KIFC3: variants seen among roughly 807,000 people sequenced by gnomAD.
The protein encoded by KIFC3 is kinesin-like protein KIFC3.
A neutral mutation model predicts 101.8 loss-of-function variants in KIFC3; 60 were observed. The observed-to-expected ratio is 0.59, with a 90% CI of 0.48 to 0.73. KIFC3 has a LOEUF of 0.73. Ranked by LOEUF, KIFC3 falls within the 30% of genes least tolerant of loss-of-function variation. KIFC3 has a pLI of 0.00. For missense variants in KIFC3, 966 were observed against 1,137.1 expected (o/e 0.85, Z 2.16); for synonymous variants, 476 against 482.7 (o/e 0.99, Z 0.18).
rs1274918897 is a variant in KIFC3 at position 57,772,298 on chromosome 16, C to G, written c.316-10G>C. 13 of 1,613,286 alleles carry G rather than the reference C, an allele frequency of 8.1e-6. No individual in the cohort carries two copies. The Middle Eastern group carries it at 1.3e-3, about 163-fold the overall frequency. On this transcript the variant is annotated splice_polypyrimidine_tract_variant and intron_variant, in intron 3 of 19. Transcript: ENST00000445690. ...CCTTCAGGTGTTCTACCTGTGGGCA[C>G]AGAGTCAGGAGCAAGGTGAGCCTCA...
At chr16:57,760,584 A>T in intron 16 of KIFC3, 142 bp downstream of exon 16, 1 of 1,060,108 alleles carries the variant, frequency 9.4e-7, no homozygotes, top group Non-Finnish European at 1.4e-6. Flanking sequence ...GGTGGAGAGG[A>T]GGGACTGGGA....
At chr16:57,793,003 T>C (rs992742063) in intron 3 of KIFC3, among the ~76,000 whole-genome samples, 7 of 151,220 alleles carry the variant, frequency 4.6e-5, no homozygotes, top group African/African-American at 1.7e-4. Flanking sequence ...CATATAAATA[T>C]GCACTGGGAA....
At chr16:57,832,254 C>T (rs955337677) in intron 1 of KIFC3, among the ~76,000 whole-genome samples, 25 of 148,844 alleles carry the variant, frequency 1.7e-4, no homozygotes, top group South Asian at 2.2e-4. Context: ...CTCCTGAACT[C>T]AGGTGATCCT....
intron 3 of KIFC3, chr16:57,775,682 G>A: frequency 2.0e-6 from 2 of 985,526 alleles, no homozygotes; most frequent in Non-Finnish European, 2.4e-6. Flanking sequence ...AACAGGGGAG[G>A]GTCCCGAGTG....
rs1238116970 is a variant in KIFC3, at chr16:57,790,054, TTTTCTTTCTTTC to T, written c.315+4933_315+4944del. On this transcript the variant is annotated intron_variant, in intron 3 of 19. Transcript: ENST00000445690. ...GCCTGGCCATTTTTTTTTGCTTTCT[TTTTCTTTCTTTC>T]TTTCTTTCTTTCTTTTTTTTTTTTT... is the stretch of plus-strand genomic sequence containing the variant. 8.8e-4 allele frequency among the ~76,000 whole-genome samples: 105 copies of T among 119,066 alleles called. 1 individual carries two copies. Among genetic ancestry groups the T allele is most frequent in the African/African-American group, 3.0e-3 (102 of 33,680 alleles). The allele number at this position is 119,066 out of a possible 152,430, so 78.1% of individuals were successfully genotyped here.
chr16:57,802,873 C>A, upstream of KIFC3: 1 of 1,211,698 alleles, frequency 8.3e-7, no homozygotes. The surrounding 1 kb of genome is among the most constrained non-coding windows in gnomAD (Gnocchi z 5.0). Flanking sequence ...AAAACTTCCA[C>A]GCGAGTACTC....
chr16:57,778,099 G>C (rs2052330224), intron 3 of KIFC3, among the ~76,000 whole-genome samples: 1 of 152,058 alleles, frequency 6.6e-6, no homozygotes. Context: ...GGCAACATAG[G>C]GAAACCCTGT....
chr16:57,771,735 G>C, intron 4 of KIFC3, 49 bp from the exon 5 acceptor site: 1 of 1,576,000 alleles, frequency 6.3e-7, no homozygotes, highest in Non-Finnish European at 8.6e-7. Flanking sequence ...GGCAGATGAC[G>C]GGGGAAAGAA....
Position 57,769,515 on chromosome 16 carries a change from A to T in KIFC3, c.1218+80T>A. On this transcript the variant is annotated intron_variant, in intron 9 of 19. Coordinates refer to ENST00000445690, the MANE Select transcript of KIFC3 (RefSeq NM_001130100.2). The surrounding 1 kb of genome is among the most constrained non-coding windows in gnomAD (Gnocchi z 4.3). ...CTGAGCGGCTTTGTCTGAGCTTTGG[A>T]GGGACGCCCTGAGTGGATGTCGTGC... 6.6e-7 allele frequency: 1 copy of T among 1,520,278 alleles called. No individual in the cohort carries two copies. The allele number at this position is 1,520,278 out of a possible 1,614,324, so 94.2% of individuals were successfully genotyped here.
intron 1 of KIFC3, among the ~76,000 whole-genome samples, chr16:57,839,973 T>C (rs549678557): frequency 7.2e-5 from 11 of 152,274 alleles, no homozygotes; most frequent in South Asian, 4.1e-4. Flanking sequence ...TCAAATTGGA[T>C]TGTCCCCTCG....
upstream of KIFC3, chr16:57,807,781 C>T (rs2054969038): frequency 1.3e-5 from 2 of 151,868 alleles, no homozygotes; most frequent in African/African-American, 4.8e-5. Flanking sequence ...TACAAAACAA[C>T]AAGCCAGGCG....
At chr16:57,809,834 G>A (rs192659039) in intron 1 of KIFC3, among the ~76,000 whole-genome samples, 1 of 152,234 alleles carries the variant, frequency 6.6e-6, no homozygotes. Context: ...TGGAATTCTC[G>A]CCCTGGCTGG....
At chr16:57,797,746 G>A (rs925077511) in intron 2 of KIFC3, 17 of 1,244,842 alleles carry the variant, frequency 1.4e-5, no homozygotes, top group South Asian at 5.1e-5. Flanking sequence ...TAGCCCACAC[G>A]CTCTTGGCCA....
chr16:57,825,240 C>T (rs1466340101), intron 1 of KIFC3, among the ~76,000 whole-genome samples: 2 of 152,210 alleles, frequency 1.3e-5, no homozygotes, highest in Admixed American at 1.3e-4. Context: ...AGAGGCACCA[C>T]CATCAGTCCT....
intron 3 of KIFC3, among the ~76,000 whole-genome samples, chr16:57,789,647 A>T (rs1339762516): frequency 1.3e-5 from 2 of 152,242 alleles, no homozygotes; most frequent in African/African-American, 4.8e-5. Context: ...AGGGGAAAGG[A>T]GGTGGCCTTA....
At position 57,765,436 on chromosome 16, in the gene KIFC3, T is replaced by G. The variant is rs1555601781; in HGVS notation, c.1512+23A>C. 2.6e-6 allele frequency: 4 copies of G among 1,554,526 alleles called. No individual in the cohort carries two copies. The Admixed American group carries it at 5.8e-5, about 22-fold the overall frequency. ...TTTCCCTCTCTCCCTTGCTTTCCCT[T>G]TCCCGCATGGGGCCACACTCACGTC... is the stretch of plus-strand genomic sequence containing the variant. On this transcript the variant is annotated intron_variant, in intron 11 of 19. Transcript: ENST00000445690.
At chr16:57,830,324 C>T (rs1244016893) in intron 1 of KIFC3, among the ~76,000 whole-genome samples, 2 of 150,394 alleles carry the variant, frequency 1.3e-5, no homozygotes, top group Non-Finnish European at 3.0e-5. Flanking sequence ...TGCAGCCTCC[C>T]CCTCCCGGGT....
chr16:57,821,789 T>C (rs1178548397), intron 1 of KIFC3, among the ~76,000 whole-genome samples: 5 of 152,168 alleles, frequency 3.3e-5, no homozygotes, highest in Non-Finnish European at 7.3e-5. Flanking sequence ...GGCTCATGCC[T>C]ATAGTCCCAG....
At chr16:57,764,831 G>A (rs1597901036) in intron 11 of KIFC3, among the ~76,000 whole-genome samples, 1 of 151,794 alleles carries the variant, frequency 6.6e-6, no homozygotes, top group African/African-American at 2.4e-5. Flanking sequence ...GGCCATGGGG[G>A]TGGGAGGGGC....
Sources: allele counts gnomAD v4.1 joint callset (sites outside exome capture counted in the v4.1 genomes callset), GRCh38; gene constraint gnomAD v4.1.1; non-coding constraint Gnocchi (gnomAD v3.1); transcripts MANE v1.5; gene names NCBI Gene and HGNC (gene_info 2026-07-23, HGNC 2026-07-21).